ARL17A: variants seen among roughly 807,000 people sequenced by gnomAD.
The protein encoded by ARL17A is ARF like GTPase 17A.
At chr17:46,543,795 G>C (rs1394616168) in intron 3 of ARL17A, among the ~76,000 whole-genome samples, 1 of 150,898 alleles carries the variant, frequency 6.6e-6, no homozygotes, top group East Asian at 1.9e-4. Context: ...AGGAAAAAAA[G>C]AAAATGTTTA....
intron 4 of ARL17A, among the ~76,000 whole-genome samples, chr17:46,532,943 A>C (rs1282658171): frequency 1.5e-5 from 2 of 133,118 alleles, no homozygotes; most frequent in East Asian, 4.4e-4. Flanking sequence ...TCTACAAAAA[A>C]AATGTAAAAG....
Position 46,532,284 on chromosome 17 carries a change from CT to C in ARL17A, c.336-3426del, listed in dbSNP as rs560445799. On this transcript the variant is annotated intron_variant, in intron 4 of 4. Transcript: ENST00000329240. ...TGGAGAATCATGCTATTATTATCTG[CT>C]TCATGTTTACAGAATACTCCGTTGA... 5.4e-3 allele frequency among the ~76,000 whole-genome samples: 811 copies of C among 149,872 alleles called. 63 individuals carry two copies. Among genetic ancestry groups the C allele is most frequent in the African/African-American group, 0.019 (753 of 39,636 alleles).
chr17:46,504,848 AATTGATTTAATAC>A, the ARL17A span, among the ~76,000 whole-genome samples: 1 of 120,852 alleles, frequency 8.3e-6, no homozygotes, highest in Non-Finnish European at 1.7e-5. Flanking sequence ...TGCTTTAATA[AATTGATTTAATAC>A]ATTGATTTAT....
At chr17:46,549,681 T>G, downstream of ARL17A, 1 of 570,238 alleles carries the variant, frequency 1.8e-6, no homozygotes, top group East Asian at 3.0e-5. Flanking sequence ...AAGTGACCTG[T>G]GCCAAGCTCA....
chr17:46,534,564 C>A (rs937566670), intron 4 of ARL17A, among the ~76,000 whole-genome samples: 5 of 147,722 alleles, frequency 3.4e-5, no homozygotes, highest in East Asian at 2.0e-4. Context: ...TTTCTTAGTA[C>A]AGAACAAAAT....
chr17:46,500,906 A>C, the ARL17A span, among the ~76,000 whole-genome samples: 2 of 151,090 alleles, frequency 1.3e-5, no homozygotes, highest in Non-Finnish European at 2.9e-5. Flanking sequence ...TGGGCCGGGC[A>C]CTGTGGCTCA....
At chr17:46,541,169 T>C (rs1428778368) in intron 3 of ARL17A, among the ~76,000 whole-genome samples, 1 of 142,802 alleles carries the variant, frequency 7.0e-6, no homozygotes, top group South Asian at 2.1e-4. Context: ...TCTGTTCCTA[T>C]ACTTTTGCCT....
At chr17:46,573,076 A>G (rs2057701406) in intron 2 of ARL17A, among the ~76,000 whole-genome samples, 1 of 96,074 alleles carries the variant, frequency 1.0e-5, no homozygotes, top group Non-Finnish European at 2.2e-5. Flanking sequence ...CCAAATCCCA[A>G]ACATGACTGT....
chr17:46,534,747 GCTC>G (rs2054343293), intron 4 of ARL17A, among the ~76,000 whole-genome samples: 1 of 150,056 alleles, frequency 6.7e-6, no homozygotes, highest in Non-Finnish European at 1.5e-5. Flanking sequence ...GGGCAGAGGG[GCTC>G]CTCACTTCCC....
chr17:46,551,312 C>T (rs1282226242), downstream of ARL17A, among the ~76,000 whole-genome samples: 2 of 150,228 alleles, frequency 1.3e-5, no homozygotes, highest in Non-Finnish European at 2.9e-5. Context: ...CTTTTCCCAA[C>T]AGGCCAGTGC....
chr17:46,534,127 C>A (rs1159522834), intron 4 of ARL17A, among the ~76,000 whole-genome samples: 1 of 146,038 alleles, frequency 6.8e-6, no homozygotes, highest in Non-Finnish European at 1.5e-5. Flanking sequence ...AATGCTGTCA[C>A]CTCAGCCTCC....
intron 3 of ARL17A, among the ~76,000 whole-genome samples, chr17:46,543,846 T>G (rs888970160): frequency 3.3e-5 from 5 of 150,338 alleles, no homozygotes; most frequent in African/African-American, 1.3e-4. Context: ...CCAAAAATTT[T>G]GGGCTCATGC....
chr17:46,525,608 AATAATAATC>A (rs1490219259), downstream of ARL17A, among the ~76,000 whole-genome samples: 5 of 118,554 alleles, frequency 4.2e-5, no homozygotes, highest in African/African-American at 9.2e-5. Context: ...ATAATATAAT[AATAATAATC>A]ATCATCATCA....
intron 4 of ARL17A, among the ~76,000 whole-genome samples, chr17:46,537,138 A>T: frequency 1.6e-5 from 1 of 62,560 alleles, no homozygotes. Flanking sequence ...TGCTTTTATG[A>T]AGGGATGAAT....
chr17:46,554,054 T>A lies in ARL17A; in HGVS notation c.*3302A>T, dbSNP rs1266661598. 1 of 994,928 alleles carries A rather than the reference T, an allele frequency of 1.0e-6. No homozygotes were observed. Among genetic ancestry groups the A allele is most frequent in the Admixed American group, 5.7e-5 (1 of 17,514 alleles). The allele number at this position is 994,928 out of a possible 1,614,324, so 61.6% of individuals were successfully genotyped here. A position where few individuals can be genotyped will look rare whatever the true frequency, so the allele number is the denominator to read the frequency against. Reference sequence around the variant, plus strand: ...GTATTTTCTCTTTTATTTCTTTTTTTTTTCCCCTGGATCCTAGAACTGAGG... The same window carrying A: ...GTATTTTCTCTTTTATTTCTTTTTTATTTCCCCTGGATCCTAGAACTGAGG... On this transcript the variant is annotated 3_prime_UTR_variant, in exon 4 of 4. Transcript: ENST00000336125.
chr17:46,535,141 GC>G (rs2054473742), intron 4 of ARL17A, among the ~76,000 whole-genome samples: 1 of 148,804 alleles, frequency 6.7e-6, no homozygotes, highest in South Asian at 2.1e-4. Context: ...CAATTCTTGA[GC>G]CTCAAGCCTC....
chr17:46,525,614 AATC>A (rs745821194), downstream of ARL17A, among the ~76,000 whole-genome samples: 13,116 of 106,370 alleles, frequency 0.12, 390 homozygotes, highest in Middle Eastern at 0.19. Flanking sequence ...TAATAATAAT[AATC>A]ATCATCATCA....
intron 2 of ARL17A, among the ~76,000 whole-genome samples, chr17:46,575,171 G>T (rs2057757770): frequency 9.0e-6 from 1 of 110,836 alleles, no homozygotes; most frequent in Non-Finnish European, 2.1e-5. Flanking sequence ...CAGTAGTAAT[G>T]TTCACATGCC....
chr17:46,500,775 G>A, the ARL17A span, among the ~76,000 whole-genome samples: 12 of 151,208 alleles, frequency 7.9e-5, no homozygotes, highest in Admixed American at 5.2e-4. Context: ...TTCATCTAAT[G>A]TGTATTAATT....
Sources: allele counts gnomAD v4.1 joint callset (sites outside exome capture counted in the v4.1 genomes callset), GRCh38; gene constraint gnomAD v4.1.1; transcripts MANE v1.5; gene names NCBI Gene and HGNC (gene_info 2026-07-23, HGNC 2026-07-21).